CLSTN2: variants seen among roughly 807,000 people sequenced by gnomAD.
CLSTN2 encodes the protein calsyntenin 2, also known as calsyntenin-2.
A neutral mutation model predicts 101.2 loss-of-function variants in CLSTN2; 48 were observed. The observed-to-expected ratio is 0.47, with a 90% CI of 0.38 to 0.60. The LOEUF (loss-of-function observed/expected upper bound fraction) is 0.60. Among genes scored for constraint, CLSTN2 ranks in the 20% least tolerant of loss-of-function variants. The probability of loss-of-function intolerance (pLI) is 0.00; values close to 1 mark genes in which losing one functional copy is unlikely to be tolerated. For missense variants in CLSTN2, 1,160 were observed against 1,238.2 expected (o/e 0.94, Z 0.95); for synonymous variants, 481 against 463.6 (o/e 1.04, Z -0.48).
chr3:140,138,191 T>C (rs1397590008), intron 1 of CLSTN2, among the ~76,000 whole-genome samples: 2 of 152,134 alleles, frequency 1.3e-5, no homozygotes, highest in Admixed American at 6.6e-5. Flanking sequence ...ATATTAAAAG[T>C]ACCCCAAATG....
chr3:140,178,947 C>T (rs1367840815), intron 2 of CLSTN2, among the ~76,000 whole-genome samples: 1 of 152,104 alleles, frequency 6.6e-6, no homozygotes, highest in Non-Finnish European at 1.5e-5. Context: ...CAATTTCATC[C>T]ATACCATTTG....
rs189019790 is a variant in CLSTN2 at position 140,148,499 on chromosome 3, C to A, written c.110-27452C>A. Among the ~76,000 whole-genome samples the A allele has an allele frequency of 3.0e-4, 45 of 152,256 alleles. 1 individual carries two copies. The highest frequency in any genetic ancestry group is 2.9e-5 in the Non-Finnish European group (2 of 68,024). ...TTATAAATGTTCATGCTGATTAGAA[C>A]TTTTATTTTTCATAATGACCCACTA... On this transcript the variant is annotated intron_variant, in intron 1 of 16. Transcript: ENST00000458420.
intron 2 of CLSTN2, among the ~76,000 whole-genome samples, chr3:140,253,000 C>T (rs1428014191): frequency 6.6e-6 from 1 of 152,116 alleles, no homozygotes; most frequent in Non-Finnish European, 1.5e-5. Context: ...CACCCCTCCC[C>T]ACCACGCTAC....
chr3:140,187,219 T>C (rs1235535214), intron 2 of CLSTN2, among the ~76,000 whole-genome samples: 1 of 152,166 alleles, frequency 6.6e-6, no homozygotes, highest in Non-Finnish European at 1.5e-5. Flanking sequence ...TTTGCTGCTC[T>C]GTCTCCCTGA....
intron 1 of CLSTN2, among the ~76,000 whole-genome samples, chr3:140,100,748 C>T (rs573396429): frequency 5.3e-5 from 8 of 152,204 alleles, no homozygotes; most frequent in South Asian, 2.1e-4. Flanking sequence ...GTGAGGCTCA[C>T]GTTCTAACAC....
chr3:140,311,386 A>G (rs916625528), intron 2 of CLSTN2, among the ~76,000 whole-genome samples: 3 of 131,112 alleles, frequency 2.3e-5, no homozygotes, highest in Non-Finnish European at 3.1e-5. Context: ...GCTCACTGCA[A>G]CCTCTGCCTC....
intron 4 of CLSTN2, among the ~76,000 whole-genome samples, chr3:140,414,270 T>A (rs886443954): frequency 7.9e-5 from 12 of 151,964 alleles, no homozygotes; most frequent in African/African-American, 9.7e-5. Flanking sequence ...TCCAAAAAAA[T>A]TTTTAAAAAT....
intron 2 of CLSTN2, among the ~76,000 whole-genome samples, chr3:140,256,202 T>C (rs1455179446): frequency 6.6e-6 from 1 of 152,170 alleles, no homozygotes; most frequent in African/African-American, 2.4e-5. Context: ...ACCCCACTAC[T>C]TTCCTAAAGA....
intron 1 of CLSTN2, among the ~76,000 whole-genome samples, chr3:140,059,210 T>G (rs1432948143): frequency 6.6e-6 from 1 of 152,168 alleles, no homozygotes; most frequent in Non-Finnish European, 1.5e-5. Flanking sequence ...GGGAAAGGAT[T>G]AAGTGAGCAA....
chr3:140,263,856 C>A (rs764297296), intron 2 of CLSTN2, among the ~76,000 whole-genome samples: 6 of 152,124 alleles, frequency 3.9e-5, no homozygotes, highest in Non-Finnish European at 8.8e-5. Flanking sequence ...AGTCTGAAAA[C>A]AACTGGAGCT....
At chr3:140,152,526 C>T (rs907628773) in intron 1 of CLSTN2, among the ~76,000 whole-genome samples, 4 of 152,298 alleles carry the variant, frequency 2.6e-5, no homozygotes, top group African/African-American at 9.6e-5. Context: ...ACTATTAATG[C>T]TGACCCTCCA....
At chr3:140,443,429 T>A (rs1933003724) in intron 5 of CLSTN2, among the ~76,000 whole-genome samples, 1 of 152,244 alleles carries the variant, frequency 6.6e-6, no homozygotes, top group Non-Finnish European at 1.5e-5. Flanking sequence ...GTTAATGTTC[T>A]CTTGATAAGA....
At chr3:140,135,800 T>C (rs762680101) in intron 1 of CLSTN2, among the ~76,000 whole-genome samples, 1 of 152,226 alleles carries the variant, frequency 6.6e-6, no homozygotes, top group Non-Finnish European at 1.5e-5. Context: ...AGTCTTTTCC[T>C]GTCCAGATCC....
chr3:140,464,502 A>G (rs114065212), intron 7 of CLSTN2, among the ~76,000 whole-genome samples: 33 of 152,352 alleles, frequency 2.2e-4, no homozygotes, highest in Non-Finnish European at 4.3e-4. Context: ...AAATCACATC[A>G]CCAACACAGT....
intron 2 of CLSTN2, among the ~76,000 whole-genome samples, chr3:140,188,179 A>C (rs1193671544): frequency 6.6e-6 from 1 of 152,190 alleles, no homozygotes; most frequent in East Asian, 1.9e-4. Context: ...AGATTGTTAC[A>C]TTACATGCTT....
At chr3:140,083,494 T>G (rs1413935435) in intron 1 of CLSTN2, among the ~76,000 whole-genome samples, 1 of 152,248 alleles carries the variant, frequency 6.6e-6, no homozygotes, top group Non-Finnish European at 1.5e-5. Context: ...AACCAGGTCT[T>G]CCCGAGCAGC....
intron 1 of CLSTN2, among the ~76,000 whole-genome samples, chr3:140,048,784 A>T (rs906597341): frequency 6.6e-6 from 1 of 152,106 alleles, no homozygotes; most frequent in East Asian, 1.9e-4. Flanking sequence ...GTGCACTTGT[A>T]CTGAGGCCAC....
chr3:140,247,177 C>A (rs2086525545), intron 2 of CLSTN2, among the ~76,000 whole-genome samples: 1 of 152,186 alleles, frequency 6.6e-6, no homozygotes, highest in African/African-American at 2.4e-5. Flanking sequence ...ACTTGGTTAT[C>A]AGTTCTATCT....
intron 2 of CLSTN2, among the ~76,000 whole-genome samples, chr3:140,276,922 G>A (rs545787067): frequency 1.3e-5 from 2 of 152,262 alleles, no homozygotes; most frequent in South Asian, 4.2e-4. Context: ...AGAGAAGCAG[G>A]GAGAGGCAGG....
Sources: allele counts gnomAD v4.1 joint callset (sites outside exome capture counted in the v4.1 genomes callset), GRCh38; gene constraint gnomAD v4.1.1; transcripts MANE v1.5; gene names NCBI Gene and HGNC (gene_info 2026-07-23, HGNC 2026-07-21).